Variants in PDE3A observed in about 807,000 individuals in gnomAD.
PDE3A encodes the protein phosphodiesterase 3A, also known as cGMP-inhibited 3',5'-cyclic phosphodiesterase 3A.
In PDE3A, 43 loss-of-function variants were observed where a neutral mutation model predicts 98.3. The ratio of observed to expected loss-of-function variants is 0.44; its 90% CI spans 0.34 to 0.56. The LOEUF (loss-of-function observed/expected upper bound fraction) is 0.56. Among genes scored for constraint, PDE3A ranks in the 20% least tolerant of loss-of-function variants. The pLI, the probability that PDE3A is intolerant of heterozygous loss-of-function variation, is 0.01. For synonymous variants in PDE3A, 663 were observed against 567.9 expected (o/e 1.17, Z -2.38); for missense variants, 1,427 against 1,440.7 (o/e 0.99, Z 0.15).
At chr12:20,527,846 C>A (rs1222143304) in intron 1 of PDE3A, among the ~76,000 whole-genome samples, 1 of 151,828 alleles carries the variant, frequency 6.6e-6, no homozygotes, top group Non-Finnish European at 1.5e-5. Flanking sequence ...ACTGTTTAAA[C>A]CCCATCATTT....
intron 1 of PDE3A, among the ~76,000 whole-genome samples, chr12:20,390,200 G>A (rs541032195): frequency 3.3e-5 from 5 of 151,874 alleles, no homozygotes; most frequent in South Asian, 2.1e-4. Context: ...ATGTGGGGCC[G>A]GTGTGGAGAG....
chr12:20,595,422 A>T lies in PDE3A; in HGVS notation c.1012-18021A>T, dbSNP rs199971718. ...TGATTGGCACAGAGAGTCAATCATG[A>T]TAGCCACTGCATATGCTTTGAAGAC... On this transcript the variant is annotated intron_variant, in intron 2 of 15. Coordinates refer to ENST00000359062, the MANE Select transcript of PDE3A (RefSeq NM_000921.5). Among the ~76,000 whole-genome samples the T allele has an allele frequency of 6.8e-4, 103 of 152,280 alleles. No homozygotes were observed. The East Asian group carries it at 9.9e-3, about 15-fold the overall frequency.
At chr12:20,508,533 GA>G (rs983605749) in intron 1 of PDE3A, among the ~76,000 whole-genome samples, 1 of 151,156 alleles carries the variant, frequency 6.6e-6, no homozygotes, top group African/African-American at 2.4e-5. Context: ...AATTTGATCA[GA>G]AAAAAATGCA....
chr12:20,557,204 T>G (rs1361119049), intron 2 of PDE3A: 1 of 158,028 alleles, frequency 6.3e-6, no homozygotes, highest in Non-Finnish European at 1.4e-5. Flanking sequence ...AAATTCTAAG[T>G]CTTTCTATAT....
chr12:20,573,907 C>T (rs1161158633), intron 2 of PDE3A, among the ~76,000 whole-genome samples: 1 of 151,988 alleles, frequency 6.6e-6, no homozygotes, highest in Non-Finnish European at 1.5e-5. Flanking sequence ...AAAACAAAAA[C>T]ATTTCAGAAT....
At chr12:20,624,554 A>G (rs1413521582) in intron 5 of PDE3A, among the ~76,000 whole-genome samples, 2 of 152,188 alleles carry the variant, frequency 1.3e-5, no homozygotes, top group African/African-American at 4.8e-5. Context: ...GCCCCCTTCC[A>G]TTCTTGCCAT....
At chr12:20,415,224 G>A (rs935660827) in intron 1 of PDE3A, among the ~76,000 whole-genome samples, 1 of 151,506 alleles carries the variant, frequency 6.6e-6, no homozygotes, top group Non-Finnish European at 1.5e-5. Flanking sequence ...CTCTCATTTG[G>A]CATCGATCCT....
At chr12:20,658,099 G>C (rs1945082986) in intron 15 of PDE3A, among the ~76,000 whole-genome samples, 1 of 152,166 alleles carries the variant, frequency 6.6e-6, no homozygotes, top group African/African-American at 2.4e-5. Context: ...GACAAGTAGA[G>C]ATAGAAGAGT....
chr12:20,592,602 C>T (rs11614805), intron 2 of PDE3A, among the ~76,000 whole-genome samples: 14,703 of 152,090 alleles, frequency 0.097, 1,167 homozygotes, highest in African/African-American at 0.22. Context: ...AAATAAGCAG[C>T]GGGCCTGTAG....
At chr12:20,393,745 G>A (rs909680445) in intron 1 of PDE3A, among the ~76,000 whole-genome samples, 1 of 152,022 alleles carries the variant, frequency 6.6e-6, no homozygotes, top group African/African-American at 2.4e-5. Context: ...ACATAAGGTG[G>A]CACCGTTAAT....
chr12:20,581,919 G>C (rs560737839), intron 2 of PDE3A, among the ~76,000 whole-genome samples: 1 of 152,010 alleles, frequency 6.6e-6, no homozygotes, highest in Middle Eastern at 3.2e-3. Context: ...AGAAACTGTG[G>C]AACACCAGAA....
rs75829276 is a variant in PDE3A at position 20,479,628 on chromosome 12, A to G, written c.961-77032A>G. On this transcript the variant is annotated intron_variant, in intron 1 of 15. Coordinates refer to ENST00000359062, the MANE Select transcript of PDE3A (RefSeq NM_000921.5). ...TCCTATATTTAATCTTGCTCCTTTGAGTTTATGGTCAAACATGAGCACATT... is the reference window on the plus strand; with the variant it reads ...TCCTATATTTAATCTTGCTCCTTTGGGTTTATGGTCAAACATGAGCACATT... Among the ~76,000 whole-genome samples the G allele has an allele frequency of 5.5e-4, 84 of 152,296 alleles. 2 individuals carry two copies. In the East Asian group the frequency reaches 0.015, roughly 27 times the overall value.
intron 1 of PDE3A, among the ~76,000 whole-genome samples, chr12:20,505,306 C>T (rs767470138): frequency 2.0e-5 from 3 of 152,056 alleles, no homozygotes; most frequent in African/African-American, 7.2e-5. Context: ...CTACTGTTAA[C>T]TTTGCAATCT....
chr12:20,521,764 C>A (rs1013115502), intron 1 of PDE3A, among the ~76,000 whole-genome samples: 1 of 152,060 alleles, frequency 6.6e-6, no homozygotes, highest in African/African-American at 2.4e-5. Context: ...GAAGAAGAGA[C>A]CCCGAGCCAA....
chr12:20,467,933 C>CAAAAAA lies in PDE3A; in HGVS notation c.961-88685_961-88680dup, dbSNP rs60320142. ...CTGGCGACAGAGCGAGACTCCTTCT[C>CAAAAAA]AAAAAAAAAAAAAAAAAAAAAAAAA... On this transcript the variant is annotated intron_variant, in intron 1 of 15. Coordinates refer to ENST00000359062, the MANE Select transcript of PDE3A (RefSeq NM_000921.5). 5.9e-4 allele frequency among the ~76,000 whole-genome samples: 21 copies of CAAAAAA among 35,698 alleles called. 2 individuals are homozygous for CAAAAAA. In the East Asian group the frequency reaches 0.011, roughly 19 times the overall value. The allele number at this position is 35,698 out of a possible 152,430, so 23.4% of individuals were successfully genotyped here.
At chr12:20,399,071 T>A (rs762372118) in intron 1 of PDE3A, among the ~76,000 whole-genome samples, 3 of 152,180 alleles carry the variant, frequency 2.0e-5, no homozygotes, top group Non-Finnish European at 4.4e-5. Flanking sequence ...GGATTCATGA[T>A]GTTTGTCCTT....
chr12:20,659,581 C>CT (rs1945114117), intron 15 of PDE3A, among the ~76,000 whole-genome samples: 1 of 151,760 alleles, frequency 6.6e-6, no homozygotes, highest in East Asian at 1.9e-4. Flanking sequence ...TGTTTATTTA[C>CT]TTTTGTAGAG....
At chr12:20,675,144 A>T (rs1173852335) in intron 15 of PDE3A, among the ~76,000 whole-genome samples, 1 of 151,766 alleles carries the variant, frequency 6.6e-6, no homozygotes, top group Non-Finnish European at 1.5e-5. Context: ...AAATTTATTG[A>T]TTTATTCCTT....
intron 10 of PDE3A, 106 bp downstream of exon 10, chr12:20,640,063 A>G (rs1390721438): frequency 3.3e-6 from 2 of 599,322 alleles, no homozygotes; most frequent in African/African-American, 1.8e-5. Context: ...TACACATGGT[A>G]GACGCTCAAT....
Sources: allele counts gnomAD v4.1 joint callset (sites outside exome capture counted in the v4.1 genomes callset), GRCh38; gene constraint gnomAD v4.1.1; transcripts MANE v1.5; gene names NCBI Gene and HGNC (gene_info 2026-07-23, HGNC 2026-07-21).